Variants in RALY observed in about 807,000 individuals in gnomAD.
The protein encoded by RALY is RNA-binding protein Raly.
RALY carries 15 observed loss-of-function variants against 30.7 expected under a neutral mutation model. The observed-to-expected ratio is 0.49, with a 90% confidence interval of 0.33 to 0.75. The LOEUF (loss-of-function observed/expected upper bound fraction) is 0.75, where lower values mean the gene tolerates loss of function less well. RALY is among the 30% of genes least tolerant of loss of function. The pLI is 0.02. For synonymous variants in RALY, 177 were observed against 170.8 expected, an observed-to-expected ratio of 1.04 and a Z score of -0.28; for missense variants, 339 against 414.3, an observed-to-expected ratio of 0.82 and a Z score of 1.58.
chr20:34,011,937 A>G (rs778245900), intron 1 of RALY, among the ~76,000 whole-genome samples: 6 of 152,088 alleles, frequency 3.9e-5, no homozygotes, highest in Non-Finnish European at 8.8e-5. Context: ...GTAGTGGCGC[A>G]CGCCTGTAGT....
At position 34,054,700 on chromosome 20, in the gene RALY, C is replaced by G. The variant is rs184255508; in HGVS notation, c.-9-17366C>G. Among the ~76,000 whole-genome samples the G allele has an allele frequency of 2.3e-3, 348 of 152,176 alleles. 1 individual carries two copies. Among genetic ancestry groups the G allele is most frequent in the African/African-American group, 7.4e-3 (308 of 41,510 alleles). The stretch of plus-strand genomic sequence containing the variant: ...AATTAGCCAGGCGTGATGGTGTATG[C>G]CTGGCATCCCAGCTACTTGGGGGGC... On this transcript the variant is annotated intron_variant, in intron 2 of 9. Coordinates refer to ENST00000246194, the MANE Select transcript of RALY (RefSeq NM_016732.3).
At position 34,026,085 on chromosome 20, in the gene RALY, G is replaced by T. The variant is rs916856210; in HGVS notation, c.-92-5437G>T. ...CTGGTAGAGGAGGAAGCTGTGACAA[G>T]AGGAAGAACCTGCTTGTCTTCTGAC... On this transcript the variant is annotated intron_variant, in intron 1 of 9. Transcript: ENST00000246194. Among the ~76,000 whole-genome samples, 3 of 152,034 alleles carry T rather than the reference G, an allele frequency of 2.0e-5. No homozygotes were observed. The South Asian group carries it at 6.2e-4, about 31-fold the overall frequency.
chr20:34,043,019 A>G (rs1446163187), intron 2 of RALY, among the ~76,000 whole-genome samples: 1 of 152,266 alleles, frequency 6.6e-6, no homozygotes, highest in Non-Finnish European at 1.5e-5. Context: ...TGTTAAAGCC[A>G]GCTAGAGCCA....
intron 2 of RALY, among the ~76,000 whole-genome samples, chr20:34,067,645 C>T (rs1195753156): frequency 6.6e-6 from 1 of 152,136 alleles, no homozygotes; most frequent in East Asian, 1.9e-4. Context: ...GAGAAGCAGG[C>T]CCATCCCTTT....
rs987567012 is a variant in RALY at position 33,994,002 on chromosome 20, G to C, written c.-222G>C. 1.3e-5 allele frequency: 2 copies of C among 151,972 alleles called. No individual in the cohort carries two copies. Among genetic ancestry groups the C allele is most frequent in the African/African-American group, 4.8e-5 (2 of 41,406 alleles). 9.4% of individuals were successfully genotyped at this position (151,972 alleles called of 1,614,324 possible). On this transcript the variant is annotated 5_prime_UTR_variant, in exon 1 of 10. Transcript: ENST00000246194. ...CGGTAGCGGCGGCGACGGCGACGACGACGACTCCCGCGCGTGTGCCCAGCC... is the reference window on the plus strand; with the variant it reads ...CGGTAGCGGCGGCGACGGCGACGACCACGACTCCCGCGCGTGTGCCCAGCC...
chr20:34,011,158 T>C (rs1230177456), intron 1 of RALY, among the ~76,000 whole-genome samples: 2 of 152,176 alleles, frequency 1.3e-5, no homozygotes, highest in African/African-American at 4.8e-5. Flanking sequence ...TTAAATATTA[T>C]AACTGGTAAT....
At chr20:34,041,341 T>C (rs1285277249) in intron 2 of RALY, among the ~76,000 whole-genome samples, 1 of 152,236 alleles carries the variant, frequency 6.6e-6, no homozygotes, top group Non-Finnish European at 1.5e-5. Flanking sequence ...CTCAAATCTG[T>C]ACTCAACAGT....
intron 5 of RALY, among the ~76,000 whole-genome samples, chr20:34,075,547 G>T (rs1055171415): frequency 6.6e-6 from 1 of 151,948 alleles, no homozygotes; most frequent in African/African-American, 2.4e-5. Flanking sequence ...CAGAAGCCAG[G>T]TCATGTAATA....
intron 2 of RALY, among the ~76,000 whole-genome samples, chr20:34,040,638 G>A (rs1183798259): frequency 6.6e-6 from 1 of 152,174 alleles, no homozygotes; most frequent in African/African-American, 2.4e-5. Flanking sequence ...CTCTTGAGTA[G>A]AAGTAACATT....
At chr20:34,014,600 C>G (rs1322042212) in intron 1 of RALY, among the ~76,000 whole-genome samples, 1 of 151,934 alleles carries the variant, frequency 6.6e-6, no homozygotes, top group Non-Finnish European at 1.5e-5. Flanking sequence ...ATGAATCCCT[C>G]AGGGAAAAAA....
At chr20:34,047,764 A>G (rs898231539) in intron 2 of RALY, among the ~76,000 whole-genome samples, 1 of 152,116 alleles carries the variant, frequency 6.6e-6, no homozygotes, top group Non-Finnish European at 1.5e-5. Context: ...ATAACAGGTA[A>G]ATAGGTGCCA....
At chr20:34,022,001 T>G (rs1324342985) in intron 1 of RALY, among the ~76,000 whole-genome samples, 1 of 151,412 alleles carries the variant, frequency 6.6e-6, no homozygotes, top group African/African-American at 2.4e-5. Context: ...AAAGTGATCC[T>G]TCCACCTTGG....
chr20:34,037,611 T>G (rs759556843), intron 2 of RALY, among the ~76,000 whole-genome samples: 1 of 152,202 alleles, frequency 6.6e-6, no homozygotes, highest in Non-Finnish European at 1.5e-5. Flanking sequence ...GCCTTTAGTT[T>G]CCTCATCTAT....
Position 34,081,452 on chromosome 20 carries a change from C to T in RALY, c.*1547C>T, listed in dbSNP as rs1435048930. 3.3e-5 allele frequency: 5 copies of T among 152,306 alleles called. No individual in the cohort carries two copies. The highest frequency in any genetic ancestry group is 6.5e-5 in the Admixed American group (1 of 15,286). The allele number at this position is 152,306 out of a possible 1,614,324, so 9.4% of individuals were successfully genotyped here. A position where few individuals can be genotyped will look rare whatever the true frequency, so the allele number is the denominator to read the frequency against. ...TGTTCTCTCCTCTGGAAGCCTTCCC[C>T]CAACACAGAAAAATTCAATCCCATC... On this transcript the variant is annotated 3_prime_UTR_variant, in exon 10 of 10. Transcript: ENST00000246194.
At chr20:34,040,218 A>G (rs2032649168) in intron 2 of RALY, among the ~76,000 whole-genome samples, 1 of 152,194 alleles carries the variant, frequency 6.6e-6, no homozygotes, top group African/African-American at 2.4e-5. Context: ...GTTCAGGTTC[A>G]GGTTCACACC....
At chr20:34,025,213 G>T (rs147518711) in intron 1 of RALY, among the ~76,000 whole-genome samples, 1 of 152,182 alleles carries the variant, frequency 6.6e-6, no homozygotes, top group African/African-American at 2.4e-5. Context: ...CTGGTGCCTT[G>T]GTTGCCACCC....
intron 1 of RALY, among the ~76,000 whole-genome samples, chr20:34,001,236 A>T (rs1038924483): frequency 6.6e-6 from 1 of 152,246 alleles, no homozygotes; most frequent in Admixed American, 6.5e-5. Context: ...ATATGTAGCA[A>T]ACTGTTTAAA....
At chr20:34,020,877 A>G (rs533402552) in intron 1 of RALY, among the ~76,000 whole-genome samples, 11 of 152,206 alleles carry the variant, frequency 7.2e-5, no homozygotes, top group Non-Finnish European at 1.6e-4. Context: ...GACATGATTT[A>G]GTAGAGAACA....
At chr20:33,996,410 T>A (rs184902172) in intron 1 of RALY, among the ~76,000 whole-genome samples, 1 of 152,224 alleles carries the variant, frequency 6.6e-6, no homozygotes, top group Non-Finnish European at 1.5e-5. Flanking sequence ...GTACTTAACG[T>A]GTACCACCAG....
Sources: gnomAD v4.1 joint callset for allele counts (sites outside exome capture counted in the v4.1 genomes callset) on GRCh38, gnomAD v4.1.1 for gene constraint, MANE v1.5 for transcripts, NCBI Gene and HGNC (gene_info 2026-07-23, HGNC 2026-07-21) for gene names.